Variants in ROR1 observed in about 807,000 individuals in gnomAD.
ROR1 encodes the protein inactive tyrosine-protein kinase transmembrane receptor ROR1.
Under a neutral mutation model 78.8 loss-of-function variants are expected in ROR1, and 19 were observed. That is an observed-to-expected ratio of 0.24 (90% CI 0.17 to 0.35). ROR1 has a LOEUF of 0.35. Among genes scored for constraint, ROR1 ranks in the 10% least tolerant of loss-of-function variants. ROR1 has a pLI of 1.00. For missense variants in ROR1, 917 were observed against 1,177.8 expected (o/e 0.78, Z 3.24); for synonymous variants, 386 against 433.6 (o/e 0.89, Z 1.36).
intron 4 of ROR1, among the ~76,000 whole-genome samples, chr1:64,059,799 C>T (rs1473440180): frequency 6.6e-6 from 1 of 151,914 alleles, no homozygotes; most frequent in Non-Finnish European, 1.5e-5. Flanking sequence ...CAGTAAGTCT[C>T]CTACCCTTTG....
chr1:63,882,403 C>T (rs1189905713), intron 1 of ROR1, among the ~76,000 whole-genome samples: 1 of 152,182 alleles, frequency 6.6e-6, no homozygotes, highest in Non-Finnish European at 1.5e-5. Context: ...CTGGTCTGTT[C>T]TGTTCAACCT....
At chr1:63,923,375 G>T (rs563315825) in intron 1 of ROR1, among the ~76,000 whole-genome samples, 131 of 152,220 alleles carry the variant, frequency 8.6e-4, no homozygotes, top group Non-Finnish European at 1.5e-3. Context: ...CTGCAAGTGG[G>T]AATAAGGATA....
At chr1:63,988,060 G>A (rs1265787813) in intron 1 of ROR1, among the ~76,000 whole-genome samples, 1 of 151,962 alleles carries the variant, frequency 6.6e-6, no homozygotes, top group Non-Finnish European at 1.5e-5. Flanking sequence ...TTCTTTTCTT[G>A]TATCTTTTCT....
chr1:63,845,383 A>C (rs1645074424), intron 1 of ROR1, among the ~76,000 whole-genome samples: 1 of 152,190 alleles, frequency 6.6e-6, no homozygotes, highest in African/African-American at 2.4e-5. Flanking sequence ...AAACGAACAA[A>C]CAAAAAAACC....
At position 63,806,340 on chromosome 1, in the gene ROR1, T is replaced by C. The variant is rs560797257; in HGVS notation, c.91+31832T>C. On this transcript the variant is annotated intron_variant, in intron 1 of 8. Transcript: ENST00000371079. ...TATTTTTTTTTTTTTTTTTTTGAGA[T>C]GGAGTCTCGCTCTGTCGCCCAGGCT... Among the ~76,000 whole-genome samples the C allele has an allele frequency of 7.5e-5, 11 of 146,864 alleles. No homozygotes were observed. In the East Asian group the frequency reaches 2.0e-3, roughly 27 times the overall value.
chr1:64,025,695 T>C (rs1026895906), intron 2 of ROR1, among the ~76,000 whole-genome samples: 4 of 152,062 alleles, frequency 2.6e-5, no homozygotes, highest in African/African-American at 7.2e-5. Context: ...TAAAAAGGAA[T>C]GAATTAATGA....
At chr1:63,855,163 C>T (rs1470223876) in intron 1 of ROR1, among the ~76,000 whole-genome samples, 1 of 152,134 alleles carries the variant, frequency 6.6e-6, no homozygotes, top group Non-Finnish European at 1.5e-5. Context: ...TCCTCTTTGA[C>T]TGTTCTTAAC....
intron 1 of ROR1, among the ~76,000 whole-genome samples, chr1:63,827,445 G>A (rs1644961194): frequency 6.6e-6 from 1 of 152,136 alleles, no homozygotes; most frequent in South Asian, 2.1e-4. Context: ...AACTGTGGGT[G>A]GGGTTCTGAG....
chr1:64,009,158 A>G (rs1033261209), intron 1 of ROR1, 147 bp from the exon 2 acceptor site: 22 of 642,442 alleles, frequency 3.4e-5, no homozygotes, highest in Non-Finnish European at 5.1e-5. Context: ...TAGAGCCACC[A>G]TTCCAGTCTA....
intron 5 of ROR1, among the ~76,000 whole-genome samples, chr1:64,138,600 C>G (rs1649201635): frequency 6.7e-6 from 1 of 148,926 alleles, no homozygotes; most frequent in African/African-American, 2.5e-5. Context: ...GGCTGGAATG[C>G]AGTGGCGCGA....
At chr1:63,977,990 G>A (rs1288842790) in intron 1 of ROR1, among the ~76,000 whole-genome samples, 3 of 152,168 alleles carry the variant, frequency 2.0e-5, no homozygotes, top group South Asian at 2.1e-4. Flanking sequence ...ACAGATTTTC[G>A]TACTATTTAG....
At chr1:64,137,571 C>G (rs1306834688) in intron 5 of ROR1, 75 bp downstream of exon 5, 1 of 1,446,746 alleles carries the variant, frequency 6.9e-7, no homozygotes, top group African/African-American at 1.4e-5. Context: ...TTGAGCTCCT[C>G]TCTTGACAAA....
intron 1 of ROR1, among the ~76,000 whole-genome samples, chr1:63,931,499 C>T (rs976362113): frequency 2.0e-5 from 3 of 152,074 alleles, no homozygotes; most frequent in Non-Finnish European, 4.4e-5. Flanking sequence ...GTTTCAGTTA[C>T]CCTCAGTCAA....
chr1:64,113,909 A>G (rs913733477), intron 4 of ROR1: 4 of 152,114 alleles, frequency 2.6e-5, no homozygotes, highest in African/African-American at 9.7e-5. Context: ...ACATTTAACA[A>G]TCGCCTCCCT....
intron 1 of ROR1, among the ~76,000 whole-genome samples, chr1:63,903,548 T>C (rs531314438): frequency 6.6e-6 from 1 of 152,076 alleles, no homozygotes; most frequent in African/African-American, 2.4e-5. Flanking sequence ...CAAAGACATG[T>C]CCCTCTCATC....
At chr1:64,008,888 C>T (rs541252226) in intron 1 of ROR1, among the ~76,000 whole-genome samples, 1 of 152,192 alleles carries the variant, frequency 6.6e-6, no homozygotes, top group Admixed American at 6.5e-5. Context: ...CTGCCTCGGC[C>T]TCCCAAAGTG....
intron 4 of ROR1, among the ~76,000 whole-genome samples, chr1:64,125,617 AG>A (rs1398289959): frequency 2.6e-5 from 4 of 152,032 alleles, no homozygotes; most frequent in Admixed American, 6.6e-5. Flanking sequence ...TCAGTGGGAG[AG>A]GTGGGGAGCC....
In ROR1 at chr1:63,974,124, A is replaced by C. The variant is rs567678999; in HGVS notation, c.92-35181A>C. On this transcript the variant is annotated intron_variant, in intron 1 of 8. Transcript: ENST00000371079. ...TTAAATAAATACTAATTCTGGTAAC[A>C]AACATTGTGAGGGTAGAATGGGGAA... is the stretch of plus-strand genomic sequence containing the variant. 1.1e-3 allele frequency among the ~76,000 whole-genome samples: 169 copies of C among 152,352 alleles called. 1 individual carries two copies. Among genetic ancestry groups the C allele is most frequent in the South Asian group, 2.3e-3 (11 of 4,828 alleles).
At chr1:63,900,327 A>G (rs1051158985) in intron 1 of ROR1, among the ~76,000 whole-genome samples, 1 of 151,748 alleles carries the variant, frequency 6.6e-6, no homozygotes, top group Non-Finnish European at 1.5e-5. Flanking sequence ...GGTGGCAGGC[A>G]CCTGTAGTCC....
Sources: allele counts gnomAD v4.1 joint callset (sites outside exome capture counted in the v4.1 genomes callset), GRCh38; gene constraint gnomAD v4.1.1; transcripts MANE v1.5; gene names NCBI Gene and HGNC (gene_info 2026-07-23, HGNC 2026-07-21).